CNTNAP5: variants seen among roughly 807,000 people sequenced by gnomAD.
CNTNAP5 encodes the protein contactin-associated protein-like 5.
Under a neutral mutation model 150.2 loss-of-function variants are expected in CNTNAP5, and 72 were observed. The ratio of observed to expected loss-of-function variants is 0.48; its 90% CI spans 0.40 to 0.58. CNTNAP5 has a LOEUF of 0.58. Ranked by LOEUF, CNTNAP5 falls within the 20% of genes least tolerant of loss-of-function variation. The pLI is 0.00. For synonymous variants in CNTNAP5, 672 were observed against 619.8 expected (o/e 1.08, Z -1.25); for missense variants, 1,636 against 1,626.2 (o/e 1.01, Z -0.10).
At chr2:124,084,922 C>CTTTTTTTTTTTTTT (rs1474480684) in intron 1 of CNTNAP5, among the ~76,000 whole-genome samples, 4 of 18,216 alleles carry the variant, frequency 2.2e-4, no homozygotes, top group Non-Finnish European at 3.7e-4. Context: ...TTCAAGTTTC[C>CTTTTTTTTTTTTTT]TGTTTTTTTT....
intron 2 of CNTNAP5, among the ~76,000 whole-genome samples, chr2:124,227,784 G>C (rs556973873): frequency 6.6e-6 from 1 of 150,892 alleles, no homozygotes; most frequent in Admixed American, 6.6e-5. Context: ...GGGGGGAGGC[G>C]GAAGAAAATA....
intron 14 of CNTNAP5, among the ~76,000 whole-genome samples, chr2:124,751,581 A>G (rs1680728398): frequency 6.6e-6 from 1 of 152,274 alleles, no homozygotes; most frequent in Non-Finnish European, 1.5e-5. Flanking sequence ...AGTTCAACAT[A>G]CATGCAACTT....
intron 1 of CNTNAP5, among the ~76,000 whole-genome samples, chr2:124,180,413 TA>T (rs1420142993): frequency 6.6e-6 from 1 of 152,240 alleles, no homozygotes; most frequent in Non-Finnish European, 1.5e-5. Flanking sequence ...ATCAATATTT[TA>T]GACCCCATTT....
chr2:124,772,835 A>G lies in CNTNAP5; in HGVS notation c.2570A>G (p.Asn857Ser), dbSNP rs1681233509. 1.2e-6 allele frequency: 2 copies of G among 1,613,572 alleles called. No individual in the cohort carries two copies. Among genetic ancestry groups the G allele is most frequent in the African/African-American group, 1.3e-5 (1 of 74,892 alleles). The change falls in exon 17 of 24, where the codon AAT becomes AGT. Residue 857 changes from asparagine to serine, a missense_variant. Physicochemically the swap from Asn to Ser is conservative, Grantham distance 46 (BLOSUM62 1). Coordinates refer to ENST00000682447, the MANE Select transcript of CNTNAP5 (RefSeq NM_001367498.1). Reference protein sequence around the residue: ...SEITFAIDVGNGPVELVVQSP... With the variant: ...SEITFAIDVGSGPVELVVQSP... The stretch of plus-strand genomic sequence containing the variant: ...ATCACCTTTGCCATCGATGTTGGGA[A>G]TGGTCCTGTGGAGCTTGTAGTCCAG...
intron 1 of CNTNAP5, among the ~76,000 whole-genome samples, chr2:124,030,678 G>C (rs756392780): frequency 1.9e-4 from 29 of 152,174 alleles, no homozygotes; most frequent in East Asian, 1.9e-4. Context: ...TGGAGATCTA[G>C]ATTTGATGCA....
At chr2:124,778,630 T>A (rs970665762) in intron 17 of CNTNAP5, 1 of 153,622 alleles carries the variant, frequency 6.5e-6, no homozygotes, top group Non-Finnish European at 1.5e-5. Context: ...AGGAACACAT[T>A]TTCATAAACC....
At chr2:124,750,607 C>T (rs1275860325) in intron 14 of CNTNAP5, among the ~76,000 whole-genome samples, 1 of 152,130 alleles carries the variant, frequency 6.6e-6, no homozygotes, top group Non-Finnish European at 1.5e-5. Flanking sequence ...GGTCCCTGCC[C>T]TTGAGGAACC....
intron 3 of CNTNAP5, among the ~76,000 whole-genome samples, chr2:124,334,901 A>G (rs1689434425): frequency 6.6e-6 from 1 of 152,122 alleles, no homozygotes; most frequent in African/African-American, 2.4e-5. Context: ...CTCCGATGGT[A>G]CATTTATTCC....
chr2:124,616,559 A>G (rs925820013), intron 12 of CNTNAP5, among the ~76,000 whole-genome samples: 1 of 152,174 alleles, frequency 6.6e-6, no homozygotes, highest in Admixed American at 6.5e-5. Flanking sequence ...TATCATTCAC[A>G]TGTTCACTGA....
chr2:124,820,899 G>C (rs1573639468), intron 19 of CNTNAP5, among the ~76,000 whole-genome samples: 3 of 152,306 alleles, frequency 2.0e-5, no homozygotes, highest in Admixed American at 2.0e-4. Context: ...AAAGCCCCCG[G>C]TTGAAGCAAT....
chr2:124,404,895 G>A (rs1025943924), intron 3 of CNTNAP5, among the ~76,000 whole-genome samples: 17 of 152,144 alleles, frequency 1.1e-4, no homozygotes, highest in African/African-American at 3.1e-4. Context: ...CTGTGTTTCC[G>A]TGTAAGGATA....
chr2:124,774,611 A>C (rs538189656), intron 17 of CNTNAP5, among the ~76,000 whole-genome samples: 1 of 152,164 alleles, frequency 6.6e-6, no homozygotes, highest in Non-Finnish European at 1.5e-5. Context: ...TCACATTTTG[A>C]TGGGTGACTT....
chr2:124,678,599 AC>A (rs1434277918), intron 13 of CNTNAP5, among the ~76,000 whole-genome samples: 2 of 151,782 alleles, frequency 1.3e-5, no homozygotes, highest in Non-Finnish European at 2.9e-5. Context: ...ATGGGAGCTG[AC>A]TGGCCCAAAA....
intron 1 of CNTNAP5, among the ~76,000 whole-genome samples, chr2:124,055,038 T>A (rs1324004651): frequency 2.0e-5 from 3 of 152,142 alleles, no homozygotes; most frequent in African/African-American, 7.2e-5. Context: ...CTGAGTTTCC[T>A]TAGCCAAAAT....
chr2:124,856,580 T>C (rs2104709368), intron 19 of CNTNAP5, among the ~76,000 whole-genome samples: 1 of 152,308 alleles, frequency 6.6e-6, no homozygotes, highest in African/African-American at 2.4e-5. Context: ...TGCATTTCCC[T>C]GATCATGAGT....
intron 7 of CNTNAP5, among the ~76,000 whole-genome samples, chr2:124,484,393 G>A (rs184368705): frequency 2.0e-4 from 31 of 152,270 alleles, no homozygotes; most frequent in African/African-American, 7.2e-4. Flanking sequence ...TAGGTGTTGA[G>A]GAAGAGAATA....
chr2:124,259,152 C>G (rs1573872632), intron 3 of CNTNAP5, among the ~76,000 whole-genome samples: 1 of 152,036 alleles, frequency 6.6e-6, no homozygotes, highest in East Asian at 1.9e-4. Flanking sequence ...ATGATAGTTT[C>G]CAGCTTCATC....
chr2:124,888,045 G>C (rs1454569535), intron 21 of CNTNAP5, among the ~76,000 whole-genome samples: 1 of 152,006 alleles, frequency 6.6e-6, no homozygotes, highest in Non-Finnish European at 1.5e-5. Flanking sequence ...TCAAGTTTGG[G>C]ATATGATTGA....
At chr2:124,137,549 C>A (rs1684003882) in intron 1 of CNTNAP5, among the ~76,000 whole-genome samples, 1 of 152,012 alleles carries the variant, frequency 6.6e-6, no homozygotes, top group Non-Finnish European at 1.5e-5. Context: ...TTTTTTCAGT[C>A]ACAAATACAC....
Sources: gnomAD v4.1 joint callset for allele counts (sites outside exome capture counted in the v4.1 genomes callset) on GRCh38, gnomAD v4.1.1 for gene constraint, MANE v1.5 for transcripts, NCBI Gene and HGNC (gene_info 2026-07-23, HGNC 2026-07-21) for gene names.